ASTN2: variants seen among roughly 807,000 people sequenced by gnomAD.
ASTN2 encodes the protein astrotactin-2.
A neutral mutation model predicts 139.8 loss-of-function variants in ASTN2; 54 were observed. That is an observed-to-expected ratio of 0.39 (90% confidence interval 0.31 to 0.48). The LOEUF is 0.48. ASTN2 is among the 20% of genes least tolerant of loss of function. The pLI is 0.95. For missense variants in ASTN2, 1,565 were observed against 1,725.1 expected, an observed-to-expected ratio of 0.91 and a Z score of 1.64; for synonymous variants, 756 against 719.5, an observed-to-expected ratio of 1.05 and a Z score of -0.81.
chr9:117,084,868 C>T (rs1234439293), intron 5 of ASTN2, among the ~76,000 whole-genome samples: 2 of 152,204 alleles, frequency 1.3e-5, no homozygotes, highest in African/African-American at 4.8e-5. Context: ...TTTGGCCAGA[C>T]AGTCCTATGA....
intron 19 of ASTN2, among the ~76,000 whole-genome samples, chr9:116,564,974 AGG>A (rs1362177916): frequency 6.6e-6 from 1 of 152,096 alleles, no homozygotes; most frequent in Non-Finnish European, 1.5e-5. Flanking sequence ...CAATTGAAGG[AGG>A]TAGACTTAGA....
intron 19 of ASTN2, among the ~76,000 whole-genome samples, chr9:116,598,695 C>T (rs1263932222): frequency 6.6e-6 from 1 of 152,188 alleles, no homozygotes; most frequent in South Asian, 2.1e-4. Flanking sequence ...AACATGGCAT[C>T]TCTACTTTAT....
At chr9:117,197,795 G>T (rs1011958943) in intron 3 of ASTN2, among the ~76,000 whole-genome samples, 2 of 152,080 alleles carry the variant, frequency 1.3e-5, no homozygotes, top group Non-Finnish European at 2.9e-5. Context: ...TTGTCTGAAA[G>T]GTCTTTATTT....
intron 19 of ASTN2, among the ~76,000 whole-genome samples, chr9:116,570,562 A>AT (rs1011166525): frequency 2.0e-5 from 3 of 151,860 alleles, no homozygotes; most frequent in South Asian, 2.1e-4. Flanking sequence ...TGCCCGGCTA[A>AT]TTTTTTTTGT....
chr9:117,208,098 GA>G (rs1435223160), intron 3 of ASTN2, among the ~76,000 whole-genome samples: 1 of 151,984 alleles, frequency 6.6e-6, no homozygotes, highest in Non-Finnish European at 1.5e-5. Flanking sequence ...CATCAAACAT[GA>G]AAAATCAAGG....
chr9:116,684,202 T>C (rs746528826), intron 16 of ASTN2, among the ~76,000 whole-genome samples: 2 of 152,200 alleles, frequency 1.3e-5, no homozygotes, highest in Non-Finnish European at 2.9e-5. Flanking sequence ...CAGAGTTCCA[T>C]CAAAGCTAAT....
chr9:116,937,752 T>C (rs972111163), intron 10 of ASTN2, among the ~76,000 whole-genome samples: 1 of 152,210 alleles, frequency 6.6e-6, no homozygotes, highest in African/African-American at 2.4e-5. Context: ...CTGATTCCTA[T>C]TTGACCCTGG....
chr9:116,455,556 A>G (rs1356169767), intron 20 of ASTN2, among the ~76,000 whole-genome samples: 3 of 152,064 alleles, frequency 2.0e-5, no homozygotes, highest in African/African-American at 7.2e-5. Flanking sequence ...TGTCACTTCC[A>G]AAAGATATTA....
At chr9:116,644,061 GAT>G (rs144754335) in intron 17 of ASTN2, among the ~76,000 whole-genome samples, 1,689 of 152,278 alleles carry the variant, frequency 0.011, 30 homozygotes, top group African/African-American at 0.039. Flanking sequence ...TAGCGAGGGT[GAT>G]GCTGGTAGTG....
chr9:116,772,374 G>GAT (rs1167017196), intron 13 of ASTN2, among the ~76,000 whole-genome samples: 2 of 152,160 alleles, frequency 1.3e-5, no homozygotes, highest in Non-Finnish European at 2.9e-5. Flanking sequence ...CTGCCACCAT[G>GAT]TAAGACGTGC....
At chr9:116,767,631 C>G (rs1829844826) in intron 13 of ASTN2, among the ~76,000 whole-genome samples, 1 of 152,242 alleles carries the variant, frequency 6.6e-6, no homozygotes, top group Admixed American at 6.5e-5. Flanking sequence ...GGCATGTTGG[C>G]CATGCATGGA....
At chr9:116,653,166 T>C (rs899612931) in intron 16 of ASTN2, among the ~76,000 whole-genome samples, 10 of 152,360 alleles carry the variant, frequency 6.6e-5, no homozygotes, top group Admixed American at 3.9e-4. Flanking sequence ...ACGGATGTAT[T>C]TGATACTCAG....
At chr9:116,939,257 T>C (rs1223591958) in intron 10 of ASTN2, among the ~76,000 whole-genome samples, 1 of 152,178 alleles carries the variant, frequency 6.6e-6, no homozygotes, top group Non-Finnish European at 1.5e-5. Flanking sequence ...CTATTAGTAG[T>C]AGTAGTAGCT....
At chr9:116,839,078 C>T (rs1832108210) in intron 11 of ASTN2, among the ~76,000 whole-genome samples, 1 of 152,122 alleles carries the variant, frequency 6.6e-6, no homozygotes, top group Non-Finnish European at 1.5e-5. Flanking sequence ...AACAGTATCA[C>T]CTCCTACTAA....
At chr9:117,400,370 G>A (rs956998623) in intron 1 of ASTN2, among the ~76,000 whole-genome samples, 6 of 152,160 alleles carry the variant, frequency 3.9e-5, no homozygotes, top group African/African-American at 7.2e-5. Context: ...CAGAACGTCT[G>A]TTCCCTCCTG....
intron 10 of ASTN2, among the ~76,000 whole-genome samples, chr9:116,942,800 C>T (rs1343335105): frequency 6.6e-6 from 1 of 152,178 alleles, no homozygotes; most frequent in East Asian, 1.9e-4. Flanking sequence ...CCAATAAAAG[C>T]AAGGACTTCA....
chr9:116,820,451 G>A (rs1303448469), intron 12 of ASTN2, among the ~76,000 whole-genome samples, 166 bp downstream of exon 12: 1 of 152,156 alleles, frequency 6.6e-6, no homozygotes, highest in Non-Finnish European at 1.5e-5. Flanking sequence ...CCCAACAGAA[G>A]GTTATACTTT....
intron 19 of ASTN2, among the ~76,000 whole-genome samples, chr9:116,527,969 T>A (rs903586853): frequency 1.3e-5 from 2 of 152,122 alleles, no homozygotes; most frequent in Non-Finnish European, 2.9e-5. Flanking sequence ...AAGTACCCAA[T>A]CTTAGGTAGT....
At chr9:116,623,344 C>G (rs1415174622) in intron 17 of ASTN2, among the ~76,000 whole-genome samples, 2 of 152,112 alleles carry the variant, frequency 1.3e-5, no homozygotes, top group Non-Finnish European at 2.9e-5. Context: ...GGCTCTTTCC[C>G]AAAACCCCGA....
Sources: gnomAD v4.1 joint callset for allele counts (sites outside exome capture counted in the v4.1 genomes callset) on GRCh38, gnomAD v4.1.1 for gene constraint, MANE v1.5 for transcripts, NCBI Gene and HGNC (gene_info 2026-07-23, HGNC 2026-07-21) for gene names.